GLI2: variants seen among roughly 807,000 people sequenced by gnomAD.
The protein encoded by GLI2 is GLI family zinc finger 2.
GLI2 carries 22 observed loss-of-function variants against 78.9 expected under a neutral mutation model. The ratio of observed to expected loss-of-function variants is 0.28; its 90% CI spans 0.20 to 0.40. The LOEUF is 0.40. GLI2 is among the 10% of genes least tolerant of loss of function. The pLI is 1.00. For missense variants in GLI2, 2,097 were observed against 2,213.2 expected (o/e 0.95, Z 1.05); for synonymous variants, 974 against 963.7 (o/e 1.01, Z -0.20).
chr2:120,854,419 A>G (rs1206420877), intron 2 of GLI2, among the ~76,000 whole-genome samples: 1 of 152,116 alleles, frequency 6.6e-6, no homozygotes, highest in Admixed American at 6.5e-5. Context: ...AGGATGTGTC[A>G]TATCACCTGC....
At chr2:120,910,020 G>T (rs1052429050) in intron 2 of GLI2, among the ~76,000 whole-genome samples, 2 of 152,034 alleles carry the variant, frequency 1.3e-5, no homozygotes, top group Non-Finnish European at 2.9e-5. Flanking sequence ...AGGCCCAGCT[G>T]GGGGTGGAGT....
intron 4 of GLI2, among the ~76,000 whole-genome samples, chr2:120,952,403 G>C (rs533840182): frequency 6.6e-6 from 1 of 152,178 alleles, no homozygotes; most frequent in East Asian, 1.9e-4. Context: ...CATTCTCCCC[G>C]AGAGGAATGC....
chr2:120,900,588 C>A (rs775087601), intron 2 of GLI2, among the ~76,000 whole-genome samples: 4 of 152,146 alleles, frequency 2.6e-5, no homozygotes, highest in Non-Finnish European at 4.4e-5. Context: ...AACCCTTGGC[C>A]CTATGAGGGT....
At chr2:120,976,054 A>G (rs1389906902) in intron 9 of GLI2, among the ~76,000 whole-genome samples, 1 of 152,170 alleles carries the variant, frequency 6.6e-6, no homozygotes, top group Non-Finnish European at 1.5e-5. Flanking sequence ...CATCCAGAGA[A>G]GAACTTAAAT....
At chr2:120,873,937 A>G (rs972113222) in intron 2 of GLI2, among the ~76,000 whole-genome samples, 2 of 152,058 alleles carry the variant, frequency 1.3e-5, no homozygotes, top group African/African-American at 4.8e-5. Flanking sequence ...TGCCTAGAAC[A>G]CCCATGTTGT....
intron 5 of GLI2, among the ~76,000 whole-genome samples, chr2:120,956,298 T>A (rs1042369369): frequency 6.6e-6 from 1 of 152,064 alleles, no homozygotes; most frequent in Non-Finnish European, 1.5e-5. Context: ...GAGTAGTAAC[T>A]GAGCTGGGAG....
intron 2 of GLI2, among the ~76,000 whole-genome samples, chr2:120,861,227 G>T (rs1028870964): frequency 6.6e-6 from 1 of 152,206 alleles, no homozygotes; most frequent in Admixed American, 6.5e-5. Flanking sequence ...TCCATTCTGT[G>T]CTGTCTGTTC....
intron 2 of GLI2, among the ~76,000 whole-genome samples, chr2:120,854,337 T>A (rs989644092): frequency 6.6e-6 from 1 of 152,166 alleles, no homozygotes; most frequent in African/African-American, 2.4e-5. Flanking sequence ...CTGGTCACAC[T>A]TGGGTCCCAC....
intron 1 of GLI2, among the ~76,000 whole-genome samples, chr2:120,765,274 G>A (rs1238558035): frequency 6.6e-6 from 1 of 152,222 alleles, no homozygotes; most frequent in Non-Finnish European, 1.5e-5. Context: ...ACTGGGAGAG[G>A]GCAGACGGGC....
At chr2:120,807,164 A>T in intron 2 of GLI2, among the ~76,000 whole-genome samples, 1 of 152,080 alleles carries the variant, frequency 6.6e-6, no homozygotes, top group Non-Finnish European at 1.5e-5. Context: ...CCCCCTGGGG[A>T]CGATGCAGGG....
intron 8 of GLI2, 28 bp downstream of exon 8, chr2:120,972,091 C>T: frequency 6.2e-7 from 1 of 1,612,088 alleles, no homozygotes; most frequent in Non-Finnish European, 8.5e-7. Flanking sequence ...GCACCACCTT[C>T]CTCCAGCTAG....
rs1022438634 is a variant in GLI2 at position 120,861,645 on chromosome 2, C to T, written c.148+64177C>T. ...TGCCACAGCAGGGATTAACCCTCCA[C>T]GGCCCGTGGCATTCTCCCAGCTCGC... On this transcript the variant is annotated intron_variant, in intron 2 of 13. Coordinates refer to ENST00000361492, the MANE Select transcript of GLI2 (RefSeq NM_001374353.1). Among the ~76,000 whole-genome samples, 3 of 152,372 alleles carry T rather than the reference C, an allele frequency of 2.0e-5. 1 individual carries two copies. The highest frequency in any genetic ancestry group is 6.8e-3 in the Middle Eastern group (2 of 294).
intron 1 of GLI2, among the ~76,000 whole-genome samples, chr2:120,747,412 C>T (rs1383365262): frequency 1.3e-5 from 2 of 152,126 alleles, no homozygotes; most frequent in Non-Finnish European, 2.9e-5. Context: ...GAGCTCTGAG[C>T]GGAGGCAGGT....
chr2:120,920,300 A>T (rs1180198864), intron 2 of GLI2, among the ~76,000 whole-genome samples: 2 of 152,384 alleles, frequency 1.3e-5, no homozygotes, highest in Admixed American at 1.3e-4. Flanking sequence ...CGTTGTGGCA[A>T]CACATGACTT....
At chr2:120,944,572 C>T (rs1442763948) in intron 3 of GLI2, among the ~76,000 whole-genome samples, 5 of 152,232 alleles carry the variant, frequency 3.3e-5, no homozygotes, top group Non-Finnish European at 4.4e-5. Context: ...TTAGGCCTGC[C>T]AGGGGACCAC....
At chr2:120,898,659 G>A (rs1394872953) in intron 2 of GLI2, among the ~76,000 whole-genome samples, 1 of 152,142 alleles carries the variant, frequency 6.6e-6, no homozygotes, top group Non-Finnish European at 1.5e-5. Flanking sequence ...CAGCGTTTTC[G>A]GAGGATTCTG....
chr2:120,855,562 G>T (rs1460543249), intron 2 of GLI2, among the ~76,000 whole-genome samples: 1 of 152,244 alleles, frequency 6.6e-6, no homozygotes, highest in Non-Finnish European at 1.5e-5. Context: ...TTTAAAAACA[G>T]TTCCCAAAGC....
chr2:120,937,072 A>C (rs1420248408), intron 3 of GLI2, among the ~76,000 whole-genome samples: 1 of 152,112 alleles, frequency 6.6e-6, no homozygotes, highest in Non-Finnish European at 1.5e-5. Context: ...CACCTCTGAA[A>C]TGTACACTTG....
rs570358416 is a variant in GLI2, at chr2:120,992,635, A to G, written c.*1960A>G. On this transcript the variant is annotated 3_prime_UTR_variant, in exon 14 of 14. Transcript: ENST00000361492. Reference sequence around the variant, plus strand: ...ATTGACTATCCCGCCTTTGCCAAGAAATGTTTAATGCTGAGGCATTTACTG... The same window carrying G: ...ATTGACTATCCCGCCTTTGCCAAGAGATGTTTAATGCTGAGGCATTTACTG... The G allele has an allele frequency of 3.3e-5, 5 of 152,318 alleles. No homozygotes were observed. The highest frequency in any genetic ancestry group is 3.4e-3 in the Middle Eastern group (1 of 294). The allele number at this position is 152,318 out of a possible 1,614,324, so 9.4% of individuals were successfully genotyped here. A position where few individuals can be genotyped will look rare whatever the true frequency, so the allele number is the denominator to read the frequency against.
Sources: allele counts gnomAD v4.1 joint callset (sites outside exome capture counted in the v4.1 genomes callset), GRCh38; gene constraint gnomAD v4.1.1; transcripts MANE v1.5; gene names NCBI Gene and HGNC (gene_info 2026-07-23, HGNC 2026-07-21).